PHF21A: variants seen among roughly 807,000 people sequenced by gnomAD.
PHF21A encodes PHD finger protein 21A, also known as BHC80a.
Under a neutral mutation model 82.5 loss-of-function variants are expected in PHF21A, and 11 were observed. The ratio of observed to expected loss-of-function variants is 0.13; its 90% confidence interval spans 0.08 to 0.22. The LOEUF (loss-of-function observed/expected upper bound fraction) is 0.22, where lower values mean the gene tolerates loss of function less well. Among genes scored for constraint, PHF21A ranks in the 10% least tolerant of loss-of-function variants. PHF21A has a pLI of 1.00. For synonymous variants in PHF21A, 297 were observed against 302.8 expected (o/e 0.98, Z 0.20); for missense variants, 579 against 837.8 (o/e 0.69, Z 3.81).
chr11:46,031,797 G>A (rs61882539), intron 6 of PHF21A, among the ~76,000 whole-genome samples: 18,336 of 152,102 alleles, frequency 0.12, 1,328 homozygotes, highest in African/African-American at 0.22. Flanking sequence ...AACACTATAC[G>A]CAAAAGCTGG....
In PHF21A at chr11:45,938,325, G is replaced by A. The variant is rs560944863; in HGVS notation, c.1453-13C>T. The A allele has an allele frequency of 6.2e-7, 1 of 1,600,468 alleles. No individual in the cohort carries two copies. The highest frequency in any genetic ancestry group is 2.2e-5 in the East Asian group (1 of 44,584). Reference sequence around the variant, plus strand: ...CATGAATATCACCCTATAAAGTTGAGAGGAAAGGTAAGAAAAAGGACAAAA... The same window carrying A: ...CATGAATATCACCCTATAAAGTTGAAAGGAAAGGTAAGAAAAAGGACAAAA... On this transcript the variant is annotated splice_polypyrimidine_tract_variant and intron_variant, in intron 15 of 18. Coordinates refer to ENST00000676320, the MANE Select transcript of PHF21A (RefSeq NM_001352027.3).
chr11:46,058,729 TGTACTA>T (rs991621822), intron 6 of PHF21A, among the ~76,000 whole-genome samples: 3 of 152,202 alleles, frequency 2.0e-5, no homozygotes, highest in Non-Finnish European at 2.9e-5. Flanking sequence ...TAGCCATGTC[TGTACTA>T]GTAATATGGT....
chr11:46,113,067 G>C (rs945815375), intron 1 of PHF21A, among the ~76,000 whole-genome samples: 1 of 152,136 alleles, frequency 6.6e-6, no homozygotes, highest in Non-Finnish European at 1.5e-5. Context: ...AGTTCTTAGA[G>C]GGCTGGGAAG....
intron 6 of PHF21A, among the ~76,000 whole-genome samples, chr11:46,068,635 C>A (rs1021850465): frequency 1.3e-5 from 2 of 152,064 alleles, no homozygotes; most frequent in African/African-American, 4.8e-5. Flanking sequence ...CTTGAAGCAA[C>A]TGCTCTCAGC....
At chr11:46,045,782 C>T (rs532117465) in intron 6 of PHF21A, among the ~76,000 whole-genome samples, 1 of 152,238 alleles carries the variant, frequency 6.6e-6, no homozygotes, top group East Asian at 1.9e-4. Context: ...AGTTTCTTAA[C>T]CCCTTTCTGC....
chr11:46,089,453 T>C (rs1179824662), intron 3 of PHF21A, among the ~76,000 whole-genome samples: 2 of 152,192 alleles, frequency 1.3e-5, no homozygotes, highest in Non-Finnish European at 2.9e-5. Context: ...ATGTAATGTC[T>C]ATTTTCTTAT....
chr11:46,071,552 T>C (rs193146008), intron 6 of PHF21A, among the ~76,000 whole-genome samples: 1 of 152,216 alleles, frequency 6.6e-6, no homozygotes, highest in Non-Finnish European at 1.5e-5. Flanking sequence ...CAGTTAGGTA[T>C]AAGTACTGGC....
chr11:46,014,242 C>T (rs1236329520), intron 6 of PHF21A, among the ~76,000 whole-genome samples: 1 of 152,208 alleles, frequency 6.6e-6, no homozygotes, highest in African/African-American at 2.4e-5. Context: ...TTAACTCCCA[C>T]TTATAAATGA....
At chr11:46,108,774 T>G (rs1189866217) in intron 1 of PHF21A, among the ~76,000 whole-genome samples, 1 of 152,174 alleles carries the variant, frequency 6.6e-6, no homozygotes, top group Non-Finnish European at 1.5e-5. Flanking sequence ...AAGGACTGAC[T>G]GAAATAGTGA....
intron 3 of PHF21A, among the ~76,000 whole-genome samples, chr11:46,085,616 T>G (rs1179507534): frequency 6.6e-6 from 1 of 152,178 alleles, no homozygotes; most frequent in Non-Finnish European, 1.5e-5. Context: ...CTTTTTAGCA[T>G]TCATATAAAT....
chr11:45,998,487 T>C (rs2094989291), intron 6 of PHF21A, among the ~76,000 whole-genome samples: 1 of 152,172 alleles, frequency 6.6e-6, no homozygotes, highest in Non-Finnish European at 1.5e-5. Context: ...ACAGAAGATG[T>C]ACATGCAAAA....
intron 6 of PHF21A, among the ~76,000 whole-genome samples, chr11:45,987,251 AATGTATGT>A (rs57573859): frequency 1.8e-4 from 27 of 148,446 alleles, no homozygotes; most frequent in Non-Finnish European, 3.1e-4. Flanking sequence ...ATCATAAATA[AATGTATGT>A]ATGTATGTAT....
intron 6 of PHF21A, among the ~76,000 whole-genome samples, chr11:46,030,824 TGTGTGC>T (rs1292002427): frequency 4.8e-4 from 55 of 114,638 alleles, no homozygotes; most frequent in African/African-American, 1.9e-3. Context: ...TGTGTGCGTG[TGTGTGC>T]GTGTGTGTGT....
intron 6 of PHF21A, among the ~76,000 whole-genome samples, chr11:46,058,634 A>G (rs2096492103): frequency 6.6e-6 from 1 of 152,206 alleles, no homozygotes; most frequent in Admixed American, 6.5e-5. Context: ...TCTAGAGAGC[A>G]ATTAGGTAAC....
chr11:45,992,157 T>C (rs1234848815), intron 6 of PHF21A, among the ~76,000 whole-genome samples: 1 of 152,164 alleles, frequency 6.6e-6, no homozygotes, highest in Non-Finnish European at 1.5e-5. Context: ...ATAAAGCCCA[T>C]GGGCCACCAG....
At chr11:46,017,831 T>C (rs1210345334) in intron 6 of PHF21A, among the ~76,000 whole-genome samples, 1 of 152,100 alleles carries the variant, frequency 6.6e-6, no homozygotes, top group South Asian at 2.1e-4. Context: ...CAAAGCACAG[T>C]GTAAATAGCC....
At chr11:45,953,767 A>G (rs1052952438) in intron 10 of PHF21A, 142 bp from the exon 11 acceptor site, 30 of 604,418 alleles carry the variant, frequency 5.0e-5, no homozygotes, top group Non-Finnish European at 8.2e-5. Flanking sequence ...GGTTAGTATT[A>G]TAGATTTCAT....
chr11:46,030,815 G>T (rs1314239123), intron 6 of PHF21A, among the ~76,000 whole-genome samples: 1 of 101,110 alleles, frequency 9.9e-6, no homozygotes, highest in Non-Finnish European at 1.9e-5. Flanking sequence ...TAGTGTGTGT[G>T]TGTGCGTGTG....
chr11:45,948,954 G>A lies in PHF21A; in HGVS notation c.1228-8C>T. On this transcript the variant is annotated splice_polypyrimidine_tract_variant and splice_region_variant and intron_variant, in intron 13 of 18. Coordinates refer to ENST00000676320, the MANE Select transcript of PHF21A (RefSeq NM_001352027.3). ...CACTGCACTCTTCTTACGCTTTGAG[G>A]GTTGAAGGAGGAAAGGTGACTGTTG... The A allele has an allele frequency of 6.2e-7, 1 of 1,611,850 alleles. No homozygotes were observed. Among genetic ancestry groups the A allele is most frequent in the South Asian group, 1.1e-5 (1 of 91,026 alleles).
Sources: gnomAD v4.1 joint callset for allele counts (sites outside exome capture counted in the v4.1 genomes callset) on GRCh38, gnomAD v4.1.1 for gene constraint, MANE v1.5 for transcripts, NCBI Gene and HGNC (gene_info 2026-07-23, HGNC 2026-07-21) for gene names.